Variants in FHOD3 observed in about 807,000 individuals in gnomAD.
FHOD3 encodes the protein FH1/FH2 domain-containing protein 3.
Under a neutral mutation model 173.0 loss-of-function variants are expected in FHOD3, and 90 were observed. The ratio of observed to expected loss-of-function variants is 0.52; its 90% CI spans 0.44 to 0.62. FHOD3 has a LOEUF of 0.62. Ranked by LOEUF, FHOD3 falls within the 20% of genes least tolerant of loss-of-function variation. The pLI is 0.00. For missense variants in FHOD3, 1,945 were observed against 2,034.7 expected (o/e 0.96, Z 0.85); for synonymous variants, 828 against 823.0 (o/e 1.01, Z -0.10).
At chr18:36,634,110 T>C (rs907267071) in intron 10 of FHOD3, among the ~76,000 whole-genome samples, 6 of 152,192 alleles carry the variant, frequency 3.9e-5, no homozygotes, top group African/African-American at 1.2e-4. Flanking sequence ...TCCTCAGTTT[T>C]TGATGGCTCA....
chr18:36,747,507 C>CAGA (rs2042205490), intron 24 of FHOD3, among the ~76,000 whole-genome samples: 1 of 152,198 alleles, frequency 6.6e-6, no homozygotes, highest in Non-Finnish European at 1.5e-5. Flanking sequence ...AGAAAAGTTC[C>CAGA]TCCTTTACCT....
chr18:36,615,480 A>G (rs145499634), intron 9 of FHOD3, among the ~76,000 whole-genome samples: 7 of 152,180 alleles, frequency 4.6e-5, no homozygotes, highest in East Asian at 3.9e-4. Flanking sequence ...TCTTTTTTGT[A>G]TATGTGGGTG....
intron 18 of FHOD3, among the ~76,000 whole-genome samples, chr18:36,714,920 G>C (rs2040366296): frequency 6.6e-6 from 1 of 152,140 alleles, no homozygotes; most frequent in African/African-American, 2.4e-5. Flanking sequence ...AATCCTGGGG[G>C]ACCTTGTGAT....
chr18:36,685,077 T>G (rs2038516783), intron 15 of FHOD3, among the ~76,000 whole-genome samples: 1 of 152,224 alleles, frequency 6.6e-6, no homozygotes, highest in African/African-American at 2.4e-5. Context: ...AGTGCTAGAC[T>G]TATAGGCATG....
At chr18:36,605,357 C>T (rs2031940140) in intron 8 of FHOD3, among the ~76,000 whole-genome samples, 1 of 152,178 alleles carries the variant, frequency 6.6e-6, no homozygotes, top group Non-Finnish European at 1.5e-5. Context: ...TACTTTGTTG[C>T]TAATCACTGG....
chr18:36,622,681 G>T (rs932394914), intron 9 of FHOD3, among the ~76,000 whole-genome samples: 1 of 152,196 alleles, frequency 6.6e-6, no homozygotes. Flanking sequence ...TACTCATTGC[G>T]CTGTATTTGA....
At chr18:36,455,461 A>G (rs755050154) in intron 3 of FHOD3, among the ~76,000 whole-genome samples, 5 of 152,284 alleles carry the variant, frequency 3.3e-5, no homozygotes, top group Non-Finnish European at 5.9e-5. Context: ...TCCTATCTAT[A>G]TATTATGGCA....
rs530000559 is a variant in FHOD3 at position 36,363,558 on chromosome 18, T to C, written c.272+7913T>C. Among the ~76,000 whole-genome samples, 4 of 152,274 alleles carry C rather than the reference T, an allele frequency of 2.6e-5. No homozygotes were observed. The East Asian group carries it at 7.7e-4, about 29-fold the overall frequency. On this transcript the variant is annotated intron_variant, in intron 2 of 28. Transcript: ENST00000590592. ...ACCAGTCTGAAAAAGCTACATACTG[T>C]GAGTCCAAATTATGACATTCCGAGA...
chr18:36,456,542 G>A (rs1170068696), intron 3 of FHOD3, among the ~76,000 whole-genome samples: 2 of 152,042 alleles, frequency 1.3e-5, no homozygotes, highest in Admixed American at 6.6e-5. Context: ...TAGGGGGATG[G>A]GGCTGTAGAA....
chr18:36,363,213 C>T (rs760764759), intron 2 of FHOD3, among the ~76,000 whole-genome samples: 3 of 152,176 alleles, frequency 2.0e-5, no homozygotes, highest in Non-Finnish European at 2.9e-5. Flanking sequence ...CAAAATGACA[C>T]GGCCACTTTG....
At chr18:36,703,584 T>C (rs984612332) in intron 17 of FHOD3, among the ~76,000 whole-genome samples, 1 of 152,176 alleles carries the variant, frequency 6.6e-6, no homozygotes, top group Non-Finnish European at 1.5e-5. Flanking sequence ...GTGCTCAATA[T>C]GTAGTAAGTT....
At chr18:36,339,053 G>C (rs2045477558) in intron 1 of FHOD3, among the ~76,000 whole-genome samples, 1 of 152,144 alleles carries the variant, frequency 6.6e-6, no homozygotes, top group Non-Finnish European at 1.5e-5. Context: ...TGGTGTCTCT[G>C]TCACCTTTTC....
chr18:36,466,559 A>G (rs944297409), intron 3 of FHOD3, among the ~76,000 whole-genome samples: 2 of 152,232 alleles, frequency 1.3e-5, no homozygotes, highest in Admixed American at 6.5e-5. Flanking sequence ...CAGAGGGCTT[A>G]TAGATCATTG....
In FHOD3 at chr18:36,297,800, AC is replaced by A; in HGVS notation, c.-32del. The A allele has an allele frequency of 6.8e-7, 1 of 1,472,768 alleles. No individual in the cohort carries two copies. Among genetic ancestry groups the A allele is most frequent in the Non-Finnish European group, 9.0e-7 (1 of 1,108,018 alleles). The allele number at this position is 1,472,768 out of a possible 1,614,324, so 91.2% of individuals were successfully genotyped here. A position where few individuals can be genotyped will look rare whatever the true frequency, so the allele number is the denominator to read the frequency against. On this transcript the variant is annotated 5_prime_UTR_variant, in exon 1 of 29. Transcript: ENST00000590592. ...GGCGTCCCGGCCCGCGGCCCCGCTA[AC>A]CCCGGGGCCCGCGCCCCCGCGGCAG...
At chr18:36,365,038 G>C (rs1000897678) in intron 2 of FHOD3, among the ~76,000 whole-genome samples, 4 of 152,170 alleles carry the variant, frequency 2.6e-5, no homozygotes, top group African/African-American at 9.7e-5. Context: ...CGTGAGGGTG[G>C]AAGACAAGAG....
intron 3 of FHOD3, among the ~76,000 whole-genome samples, chr18:36,382,460 G>T (rs567213140): frequency 1.2e-4 from 18 of 152,218 alleles, no homozygotes; most frequent in Non-Finnish European, 2.2e-4. Context: ...CCAATTCAAA[G>T]TGTTACAATT....
At chr18:36,407,516 A>C (rs982037317) in intron 3 of FHOD3, among the ~76,000 whole-genome samples, 2 of 152,190 alleles carry the variant, frequency 1.3e-5, no homozygotes, top group African/African-American at 4.8e-5. Context: ...AGGCTTGCAA[A>C]ATAGGTGTCA....
At chr18:36,359,144 A>G (rs1906653494) in intron 2 of FHOD3, among the ~76,000 whole-genome samples, 1 of 152,158 alleles carries the variant, frequency 6.6e-6, no homozygotes, top group Admixed American at 6.5e-5. Context: ...TGTGTCAGTT[A>G]TAGCAAAATG....
chr18:36,484,264 G>T (rs1421135901), intron 3 of FHOD3, among the ~76,000 whole-genome samples: 16 of 152,098 alleles, frequency 1.1e-4, no homozygotes, highest in Admixed American at 9.8e-4. Context: ...CTGTTCAATT[G>T]TCTAGTTCTT....
Sources: allele counts gnomAD v4.1 joint callset (sites outside exome capture counted in the v4.1 genomes callset), GRCh38; gene constraint gnomAD v4.1.1; transcripts MANE v1.5; gene names NCBI Gene and HGNC (gene_info 2026-07-23, HGNC 2026-07-21).